PSD2: variants seen among roughly 807,000 people sequenced by gnomAD.
PSD2 encodes PH and SEC7 domain-containing protein 2.
PSD2 carries 38 observed loss-of-function variants against 69.8 expected under a neutral mutation model. That is an observed-to-expected ratio of 0.54 (90% CI 0.42 to 0.71). PSD2 has a LOEUF of 0.71. Ranked by LOEUF, PSD2 falls within the 30% of genes least tolerant of loss-of-function variation. The pLI is 0.00. For synonymous variants in PSD2, 412 were observed against 423.0 expected (o/e 0.97, Z 0.32); for missense variants, 943 against 1,014.5 (o/e 0.93, Z 0.96).
At chr5:139,819,664 G>A (rs941636422) in intron 5 of PSD2, among the ~76,000 whole-genome samples, 12 of 152,126 alleles carry the variant, frequency 7.9e-5, no homozygotes, top group Admixed American at 1.3e-4. Context: ...CAGAATCTTG[G>A]CCCTTTTTGT....
chr5:139,760,407 G>T, the PSD2 span, among the ~76,000 whole-genome samples: 1 of 152,134 alleles, frequency 6.6e-6, no homozygotes, highest in Non-Finnish European at 1.5e-5. Flanking sequence ...CCACAGGTGT[G>T]CTCACAGATG....
chr5:139,840,303 G>A, intron 14 of PSD2, 133 bp downstream of exon 14: 1 of 1,003,800 alleles, frequency 1.0e-6, no homozygotes, highest in Non-Finnish European at 1.5e-6. Context: ...GGAGGGAACA[G>A]GGTCCCCTGA....
At chr5:139,767,989 G>A in the PSD2 span, among the ~76,000 whole-genome samples, 2 of 152,346 alleles carry the variant, frequency 1.3e-5, no homozygotes, top group Non-Finnish European at 2.9e-5. Context: ...GCAGAGAGAG[G>A]GACAAGAAGA....
intron 2 of PSD2, among the ~76,000 whole-genome samples, chr5:139,811,284 G>A (rs1759953402): frequency 6.6e-6 from 1 of 152,162 alleles, no homozygotes; most frequent in Admixed American, 6.5e-5. Flanking sequence ...TGGGGCTGGA[G>A]TGGGAGTGCC....
chr5:139,824,232 C>T (rs959712590), intron 7 of PSD2, among the ~76,000 whole-genome samples: 2 of 152,146 alleles, frequency 1.3e-5, no homozygotes, highest in Non-Finnish European at 2.9e-5. Context: ...TGTAGTGAAC[C>T]CTGGGCCAAG....
the PSD2 span, among the ~76,000 whole-genome samples, chr5:139,773,604 G>T: frequency 6.6e-6 from 1 of 152,094 alleles, no homozygotes; most frequent in Non-Finnish European, 1.5e-5. Flanking sequence ...TTCTGTGACT[G>T]GCTTATTTCA....
chr5:139,784,411 T>C, the PSD2 span, among the ~76,000 whole-genome samples: 15 of 152,182 alleles, frequency 9.9e-5, no homozygotes, highest in Non-Finnish European at 1.9e-4. Context: ...GACATCTCGA[T>C]GGCCTCCTAA....
At chr5:139,767,215 G>C in the PSD2 span, among the ~76,000 whole-genome samples, 1 of 151,408 alleles carries the variant, frequency 6.6e-6, no homozygotes, top group South Asian at 2.1e-4. Flanking sequence ...GGATGGTCTC[G>C]ATCTCCTGAC....
the PSD2 span, among the ~76,000 whole-genome samples, chr5:139,753,780 G>A: frequency 6.6e-6 from 1 of 151,964 alleles, no homozygotes; most frequent in Non-Finnish European, 1.5e-5. Flanking sequence ...AGCAGGAAAG[G>A]CTCCTTGGAA....
intron 7 of PSD2, among the ~76,000 whole-genome samples, chr5:139,829,354 C>A (rs1260574886): frequency 6.6e-6 from 1 of 152,138 alleles, no homozygotes; most frequent in East Asian, 1.9e-4. Context: ...ATGAAACTTA[C>A]CATTTTAACT....
intron 7 of PSD2, 70 bp downstream of exon 7, chr5:139,822,854 C>T (rs1760307319): frequency 7.3e-7 from 1 of 1,365,728 alleles, no homozygotes; most frequent in Non-Finnish European, 1.0e-6. Context: ...ATCCCGGCCC[C>T]TTCCTGAGAT....
intron 1 of PSD2, among the ~76,000 whole-genome samples, chr5:139,799,297 G>C (rs1475469059): frequency 6.6e-6 from 1 of 152,182 alleles, no homozygotes; most frequent in East Asian, 1.9e-4. Context: ...CCCTACATCA[G>C]ACCAGATGCT....
intron 7 of PSD2, 113 bp downstream of exon 7, chr5:139,822,897 C>T (rs563980573): frequency 3.0e-5 from 27 of 910,196 alleles, no homozygotes; most frequent in Middle Eastern, 3.6e-4. Flanking sequence ...CTTTTTGAAG[C>T]GGTGGGGGTT....
intron 7 of PSD2, among the ~76,000 whole-genome samples, chr5:139,827,998 G>T (rs1336418160): frequency 2.6e-5 from 4 of 152,064 alleles, no homozygotes; most frequent in Non-Finnish European, 5.9e-5. Flanking sequence ...GGAGATGGGG[G>T]TCAGGAGTTG....
At chr5:139,766,828 C>CTTCTCT in the PSD2 span, among the ~76,000 whole-genome samples, 903 of 87,832 alleles carry the variant, frequency 0.01, 40 homozygotes, top group African/African-American at 0.03. Context: ...AAGTCCCTTC[C>CTTCTCT]TTCTTTCTTT....
At chr5:139,759,521 G>A in the PSD2 span, among the ~76,000 whole-genome samples, 9 of 152,134 alleles carry the variant, frequency 5.9e-5, no homozygotes, top group South Asian at 2.1e-4. Flanking sequence ...CCTTTTCTGC[G>A]GCGGATGACA....
chr5:139,749,178 G>A, the PSD2 span, among the ~76,000 whole-genome samples: 1 of 152,068 alleles, frequency 6.6e-6, no homozygotes, highest in African/African-American at 2.4e-5. Flanking sequence ...TGCTCAGTCG[G>A]TTCCCCCCTA....
the PSD2 span, among the ~76,000 whole-genome samples, chr5:139,773,151 T>C: frequency 0.018 from 2,805 of 152,280 alleles, 74 homozygotes; most frequent in East Asian, 0.13. Context: ...TTGGAAGTCA[T>C]TCATCTCGCA....
intron 4 of PSD2, among the ~76,000 whole-genome samples, chr5:139,815,679 T>G (rs996206765): frequency 6.6e-6 from 1 of 152,178 alleles, no homozygotes; most frequent in Non-Finnish European, 1.5e-5. Flanking sequence ...TCTTTCTTTT[T>G]CTTTAATTAA....
Sources: allele counts gnomAD v4.1 joint callset (sites outside exome capture counted in the v4.1 genomes callset), GRCh38; gene constraint gnomAD v4.1.1; transcripts MANE v1.5; gene names NCBI Gene and HGNC (gene_info 2026-07-23, HGNC 2026-07-21).